Variants in MGMT observed in about 807,000 individuals in gnomAD.
MGMT encodes methylated-DNA--protein-cysteine methyltransferase.
Under a neutral mutation model 15.9 loss-of-function variants are expected in MGMT, and 14 were observed. The ratio of observed to expected loss-of-function variants is 0.88; its 90% confidence interval spans 0.58 to 1.37. The LOEUF (loss-of-function observed/expected upper bound fraction) is 1.37. Among genes scored for constraint, MGMT ranks in the 40% most tolerant of loss-of-function variants. The pLI is 0.00. For missense variants in MGMT, 282 were observed against 268.1 expected (o/e 1.05, Z -0.36); for synonymous variants, 130 against 118.2 (o/e 1.10, Z -0.65).
chr10:129,661,657 C>G (rs1308512694), intron 2 of MGMT, among the ~76,000 whole-genome samples: 1 of 152,004 alleles, frequency 6.6e-6, no homozygotes, highest in Non-Finnish European at 1.5e-5. Context: ...AGTCTCTTTT[C>G]TTAGCAGTTT....
At position 129,653,080 on chromosome 10, in the gene MGMT, G is replaced by A. The variant is rs138333648; in HGVS notation, c.126-54815G>A. Among the ~76,000 whole-genome samples the A allele has an allele frequency of 2.5e-4, 38 of 152,264 alleles. No homozygotes were observed. The East Asian group carries it at 5.6e-3, about 22-fold the overall frequency. The stretch of plus-strand genomic sequence containing the variant: ...TGATCTTGTCCCAGAATGCTTGGTC[G>A]TCCGGTCGGCTGTGACAAAAGAGAA... On this transcript the variant is annotated intron_variant, in intron 2 of 4. Transcript: ENST00000651593.
intron 2 of MGMT, among the ~76,000 whole-genome samples, chr10:129,687,925 C>T (rs1847927286): frequency 6.6e-6 from 1 of 151,818 alleles, no homozygotes; most frequent in African/African-American, 2.4e-5. Context: ...TCAGTTCCCA[C>T]CTATGAGTGA....
intron 2 of MGMT, among the ~76,000 whole-genome samples, chr10:129,619,814 A>G (rs1328461651): frequency 1.3e-5 from 2 of 152,198 alleles, no homozygotes; most frequent in Admixed American, 6.5e-5. Context: ...TGATGATGCT[A>G]TTCCACTGCC....
intron 3 of MGMT, among the ~76,000 whole-genome samples, chr10:129,719,607 C>T (rs1276277372): frequency 2.4e-4 from 37 of 152,130 alleles, no homozygotes; most frequent in Admixed American, 2.2e-3. Context: ...GGGCGTGCAT[C>T]GCTCGGGTCT....
In MGMT at chr10:129,769,310, C is replaced by T. The variant is rs527789975; in HGVS notation, c.*2313C>T. ...CTCTGCCGAGGCCGACATGAAAAGC[C>T]AGCACGCGGGTCGCCTAGAGCCGCT... On this transcript the variant is annotated 3_prime_UTR_variant, in exon 5 of 5. Coordinates refer to ENST00000651593, the MANE Select transcript of MGMT (RefSeq NM_002412.5). 1 of 152,276 alleles carries T rather than the reference C, an allele frequency of 6.6e-6. No homozygotes were observed. The highest frequency in any genetic ancestry group is 1.5e-5 in the Non-Finnish European group (1 of 68,074). The allele number at this position is 152,276 out of a possible 1,614,324, so 9.4% of individuals were successfully genotyped here.
At chr10:129,643,688 G>A (rs1414208471) in intron 2 of MGMT, among the ~76,000 whole-genome samples, 1 of 152,154 alleles carries the variant, frequency 6.6e-6, no homozygotes, top group African/African-American at 2.4e-5. Flanking sequence ...TTTCTTCAAT[G>A]TTCACAGTAG....
chr10:129,665,968 G>T (rs74160258), intron 2 of MGMT, among the ~76,000 whole-genome samples: 3,294 of 152,230 alleles, frequency 0.022, 142 homozygotes, highest in African/African-American at 0.075. Context: ...TCCTCAGTTT[G>T]ACAACTGTAC....
chr10:129,640,130 C>T (rs1388512434), intron 2 of MGMT, among the ~76,000 whole-genome samples: 4 of 147,810 alleles, frequency 2.7e-5, no homozygotes, highest in African/African-American at 7.5e-5. Context: ...CAGAGTCTAG[C>T]TCTTTCTCCC....
intron 4 of MGMT, among the ~76,000 whole-genome samples, chr10:129,766,447 C>T (rs1226792787): frequency 2.0e-5 from 3 of 152,194 alleles, no homozygotes; most frequent in Admixed American, 1.3e-4. Flanking sequence ...ACGTAGTTTT[C>T]AGTTTTGTAA....
chr10:129,526,115 G>C (rs565355412), intron 1 of MGMT, among the ~76,000 whole-genome samples: 1 of 152,240 alleles, frequency 6.6e-6, no homozygotes, highest in Non-Finnish European at 1.5e-5. Context: ...CGGGGACCAC[G>C]GGTGGGGTCT....
At chr10:129,705,445 C>G (rs942023569) in intron 2 of MGMT, among the ~76,000 whole-genome samples, 1 of 152,226 alleles carries the variant, frequency 6.6e-6, no homozygotes, top group African/African-American at 2.4e-5. Flanking sequence ...GTTTGTTTAA[C>G]TAGACGTGTA....
chr10:129,505,014 G>A (rs1011094514), intron 1 of MGMT, among the ~76,000 whole-genome samples: 1 of 152,150 alleles, frequency 6.6e-6, no homozygotes, highest in African/African-American at 2.4e-5. Context: ...GGAAACTAAG[G>A]CCAACTTTGG....
chr10:129,578,545 A>AG (rs1159686453), intron 2 of MGMT, among the ~76,000 whole-genome samples: 1 of 97,576 alleles, frequency 1.0e-5, no homozygotes, highest in African/African-American at 4.0e-5. Flanking sequence ...GGGTGGGAGG[A>AG]GGGGGAGGGG....
At chr10:129,708,416 G>C (rs1460424368) in intron 3 of MGMT, among the ~76,000 whole-genome samples, 1 of 152,168 alleles carries the variant, frequency 6.6e-6, no homozygotes, top group African/African-American at 2.4e-5. Flanking sequence ...AGACTTGTGC[G>C]TGGACATTTA....
intron 2 of MGMT, among the ~76,000 whole-genome samples, chr10:129,682,361 T>TA (rs1847862416): frequency 6.6e-6 from 1 of 152,062 alleles, no homozygotes; most frequent in South Asian, 2.1e-4. Context: ...TGGATGGATC[T>TA]AAAGGGCATT....
chr10:129,502,682 T>C (rs1845586710), intron 1 of MGMT, among the ~76,000 whole-genome samples: 1 of 152,108 alleles, frequency 6.6e-6, no homozygotes, highest in African/African-American at 2.4e-5. Context: ...CCGCCTCCCT[T>C]CCTAAATTTC....
chr10:129,762,670 T>C (rs781331205), intron 4 of MGMT, among the ~76,000 whole-genome samples: 2 of 152,098 alleles, frequency 1.3e-5, no homozygotes, highest in Non-Finnish European at 2.9e-5. Context: ...AATCGATACA[T>C]TGCACAGAGA....
At chr10:129,568,402 G>A (rs1467773988) in intron 2 of MGMT, among the ~76,000 whole-genome samples, 3 of 152,164 alleles carry the variant, frequency 2.0e-5, no homozygotes, top group African/African-American at 7.2e-5. Flanking sequence ...AGCCCTGCAC[G>A]GGGGCAAATG....
chr10:129,652,008 G>T (rs767879425), intron 2 of MGMT, among the ~76,000 whole-genome samples: 6 of 152,204 alleles, frequency 3.9e-5, no homozygotes, highest in Non-Finnish European at 5.9e-5. Flanking sequence ...TCACCCAGGT[G>T]TTGGGCCTGC....
Sources: gnomAD v4.1 joint callset for allele counts (sites outside exome capture counted in the v4.1 genomes callset) on GRCh38, gnomAD v4.1.1 for gene constraint, MANE v1.5 for transcripts, NCBI Gene and HGNC (gene_info 2026-07-23, HGNC 2026-07-21) for gene names.